Variants in SEMA3C observed in about 807,000 individuals in gnomAD.
SEMA3C encodes the protein semaphorin-3C.
In SEMA3C, 47 loss-of-function variants were observed where a neutral mutation model predicts 89.4. The ratio of observed to expected loss-of-function variants is 0.53; its 90% CI spans 0.42 to 0.67. The LOEUF is 0.67. Ranked by LOEUF, SEMA3C falls within the 30% of genes least tolerant of loss-of-function variation. SEMA3C has a pLI of 0.00. For missense variants in SEMA3C, 839 were observed against 929.1 expected (o/e 0.90, Z 1.26); for synonymous variants, 310 against 320.2 (o/e 0.97, Z 0.34).
intron 12 of SEMA3C, among the ~76,000 whole-genome samples, chr7:80,777,828 G>C (rs1788586043): frequency 6.6e-6 from 1 of 152,178 alleles, no homozygotes; most frequent in Admixed American, 6.5e-5. Context: ...CTTAAGGCCA[G>C]TGGTTTTACT....
chr7:80,793,640 T>G (rs1788994842), intron 11 of SEMA3C: 1 of 349,832 alleles, frequency 2.9e-6, no homozygotes. Context: ...TAAAACAAGT[T>G]TATAACAGTG....
chr7:80,868,816 C>G lies in SEMA3C; in HGVS notation c.104-40071G>C, dbSNP rs571205349. On this transcript the variant is annotated intron_variant, in intron 2 of 17. Coordinates refer to ENST00000265361, the MANE Select transcript of SEMA3C (RefSeq NM_006379.5). Reference sequence around the variant, plus strand: ...ATACAGCCCATTACTGAGGATATACCAGGTGTCATGAAAGGAACTGGGGCA... The same window carrying G: ...ATACAGCCCATTACTGAGGATATACGAGGTGTCATGAAAGGAACTGGGGCA... Among the ~76,000 whole-genome samples the G allele has an allele frequency of 2.0e-5, 3 of 152,084 alleles. No individual in the cohort carries two copies. In the South Asian group the frequency reaches 6.2e-4, roughly 32 times the overall value.
At chr7:80,903,570 G>A (rs1431540518) in intron 2 of SEMA3C, among the ~76,000 whole-genome samples, 1 of 152,130 alleles carries the variant, frequency 6.6e-6, no homozygotes, top group Non-Finnish European at 1.5e-5. Context: ...GCTGAGACAG[G>A]AGAATCACTT....
intron 2 of SEMA3C, among the ~76,000 whole-genome samples, chr7:80,881,363 TA>T (rs1791336190): frequency 6.6e-6 from 1 of 152,200 alleles, no homozygotes; most frequent in African/African-American, 2.4e-5. Flanking sequence ...ACCTGTAAGT[TA>T]TATGGAAATT....
intron 14 of SEMA3C, among the ~76,000 whole-genome samples, chr7:80,758,702 A>G (rs1197352401): frequency 6.6e-6 from 1 of 152,222 alleles, no homozygotes; most frequent in Non-Finnish European, 1.5e-5. Flanking sequence ...GTTAAAAAAG[A>G]AAAGCTCAAA....
chr7:80,761,809 C>G (rs1437813778), intron 13 of SEMA3C, 152 bp from the exon 14 acceptor site: 1 of 504,746 alleles, frequency 2.0e-6, no homozygotes, highest in Non-Finnish European at 3.6e-6. Context: ...AATACATTTG[C>G]ATATACTTGT....
intron 13 of SEMA3C, among the ~76,000 whole-genome samples, chr7:80,762,021 G>T (rs1488894551): frequency 6.8e-6 from 1 of 146,866 alleles, no homozygotes; most frequent in South Asian, 2.1e-4. Context: ...CCTGGGAGGC[G>T]AAGGTTGTAG....
chr7:80,805,813 C>T (rs1237099430), intron 6 of SEMA3C, 55 bp from the exon 7 acceptor site: 4 of 1,349,216 alleles, frequency 3.0e-6, no homozygotes, highest in Non-Finnish European at 4.1e-6. Context: ...TTTTGAAATT[C>T]TAGGTGAGTT....
intron 2 of SEMA3C, among the ~76,000 whole-genome samples, chr7:80,846,568 TA>T (rs1400543556): frequency 6.6e-6 from 1 of 152,098 alleles, no homozygotes; most frequent in African/African-American, 2.4e-5. Flanking sequence ...TGGCCTCAAG[TA>T]ATCCTTCCAT....
At chr7:80,884,349 A>G (rs1438669585) in intron 2 of SEMA3C, among the ~76,000 whole-genome samples, 1 of 152,204 alleles carries the variant, frequency 6.6e-6, no homozygotes, top group Non-Finnish European at 1.5e-5. Context: ...TGACTCTAAC[A>G]TAGAGGACTT....
At chr7:80,777,064 C>A (rs1435668273) in intron 12 of SEMA3C, among the ~76,000 whole-genome samples, 1 of 152,066 alleles carries the variant, frequency 6.6e-6, no homozygotes, top group Non-Finnish European at 1.5e-5. Context: ...CTAGGTTGTA[C>A]ACTCAGGCTT....
At chr7:80,855,247 A>T (rs1790610134) in intron 2 of SEMA3C, among the ~76,000 whole-genome samples, 2 of 152,140 alleles carry the variant, frequency 1.3e-5, no homozygotes, top group African/African-American at 4.8e-5. Context: ...GTCCTTGGAA[A>T]ACTATAATGG....
At chr7:80,822,993 T>C (rs1196460809) in intron 4 of SEMA3C, among the ~76,000 whole-genome samples, 2 of 152,194 alleles carry the variant, frequency 1.3e-5, no homozygotes, top group Non-Finnish European at 2.9e-5. Context: ...ATGCATGCTT[T>C]CTTTTCATTG....
At chr7:80,889,761 T>C (rs1315846455) in intron 2 of SEMA3C, among the ~76,000 whole-genome samples, 1 of 152,186 alleles carries the variant, frequency 6.6e-6, no homozygotes, top group Non-Finnish European at 1.5e-5. Context: ...TCTTTTTTTC[T>C]TTATAGCATC....
chr7:80,922,271 T>G (rs1226196432), upstream of SEMA3C: 16 of 1,288,900 alleles, frequency 1.2e-5, no homozygotes, highest in Middle Eastern at 2.1e-4. Flanking sequence ...TTACCTTTTT[T>G]GCTTAACATT....
At chr7:80,826,634 C>A (rs986906365) in intron 4 of SEMA3C, among the ~76,000 whole-genome samples, 2 of 152,108 alleles carry the variant, frequency 1.3e-5, no homozygotes, top group Non-Finnish European at 2.9e-5. Context: ...AAGAAAGGAA[C>A]CTCTTTACCA....
At position 80,745,051 on chromosome 7, in the gene SEMA3C, G is replaced by A. The variant is rs1562854252; in HGVS notation, c.2099C>T (p.Ser700Leu). Residue 700 changes from serine (S) to leucine (L), a missense_variant, in exon 18 of 18, where the codon TCA becomes TTA. Transcript: ENST00000265361. ...PKDIMGAFSHSEMQMINQYCK... is the reference protein window; with the variant it reads ...PKDIMGAFSHLEMQMINQYCK... Reference sequence around the variant, plus strand: ...ATATTGGTTAATCATCTGCATTTCTGAGTGGCTGAATGCCCCCATGATGTC... The same window carrying A: ...ATATTGGTTAATCATCTGCATTTCTAAGTGGCTGAATGCCCCCATGATGTC... The A allele has an allele frequency of 1.2e-6, 2 of 1,614,072 alleles. No individual in the cohort carries two copies. Among genetic ancestry groups the A allele is most frequent in the Non-Finnish European group, 1.7e-6 (2 of 1,179,992 alleles).
At chr7:80,804,556 A>C (rs989942710) in intron 7 of SEMA3C, among the ~76,000 whole-genome samples, 4 of 152,052 alleles carry the variant, frequency 2.6e-5, no homozygotes, top group Non-Finnish European at 4.4e-5. Context: ...AAAAATATTT[A>C]TTTTTCAAAG....
chr7:80,845,911 T>G (rs1191449109), intron 2 of SEMA3C, among the ~76,000 whole-genome samples: 1 of 152,188 alleles, frequency 6.6e-6, no homozygotes, highest in Non-Finnish European at 1.5e-5. Context: ...TCTGTCCCAT[T>G]TGAAATCAAT....
Sources: gnomAD v4.1 joint callset for allele counts (sites outside exome capture counted in the v4.1 genomes callset) on GRCh38, gnomAD v4.1.1 for gene constraint, MANE v1.5 for transcripts, NCBI Gene and HGNC (gene_info 2026-07-23, HGNC 2026-07-21) for gene names.